The following ANKRD35 variants were observed in gnomAD, a reference collection of about 807,000 sequenced individuals.
ANKRD35 encodes ankyrin repeat domain 35, also known as ankyrin repeat domain-containing protein 35.
In ANKRD35, 102 loss-of-function variants were observed where a neutral mutation model predicts 109.9. The ratio of observed to expected loss-of-function variants is 0.93; its 90% CI spans 0.79 to 1.09. ANKRD35 has a LOEUF of 1.09. ANKRD35 is among the 50% of genes least tolerant of loss of function. The pLI, the probability that ANKRD35 is intolerant of heterozygous loss-of-function variation, is 0.00. For missense variants in ANKRD35, 1,240 were observed against 1,230.1 expected, an observed-to-expected ratio of 1.01 and a Z score of -0.12; for synonymous variants, 515 against 512.4, an observed-to-expected ratio of 1.01 and a Z score of -0.07.
Position 145,873,977 on chromosome 1 carries a change from T to C in ANKRD35, c.792A>G (p.Pro264=). The change falls in exon 10 of 14, where the codon CCA becomes CCG. Residue 264 remains proline, a synonymous_variant. Transcript: ENST00000355594. ...QHPDLASQAS[P]SEPQAGSPPK... ...GAGGAGAACCTGCCTGGGGCTCAGA[T>C]GGAGAGGCCTATGTTGGAAACAGAA... The C allele has an allele frequency of 1.9e-6, 3 of 1,613,920 alleles. No individual in the cohort carries two copies. Among genetic ancestry groups the C allele is most frequent in the Non-Finnish European group, 2.5e-6 (3 of 1,179,958 alleles).
chr1:145,867,201 C>CA (rs1653636208), intron 13 of ANKRD35, 86 bp downstream of exon 13: 1 of 914,482 alleles, frequency 1.1e-6, no homozygotes, highest in Non-Finnish European at 1.7e-6. Context: ...ACCACGGGGG[C>CA]AAAAGGGACT....
Position 145,873,965 on chromosome 1 carries a change from C to G in ANKRD35, c.804G>C (p.Gln268His), listed in dbSNP as rs11578772. Residue 268 changes from glutamine (Q) to histidine (H), a missense_variant, in exon 10 of 14, where the codon CAG becomes CAC. Coordinates refer to ENST00000355594, the MANE Select transcript of ANKRD35 (RefSeq NM_144698.5). Reference sequence around the variant, plus strand: ...ATGAGCTCTTAGGAGGAGAACCTGCCTGGGGCTCAGATGGAGAGGCCTATG... The same window carrying G: ...ATGAGCTCTTAGGAGGAGAACCTGCGTGGGGCTCAGATGGAGAGGCCTATG... ...LASQASPSEP[Q>H]AGSPPKSSWR... The G allele has an allele frequency of 8.1e-6, 13 of 1,613,844 alleles. No homozygotes were observed. Among genetic ancestry groups the G allele is most frequent in the Non-Finnish European group, 1.1e-5 (13 of 1,179,966 alleles).
rs910344272 is a variant in ANKRD35, at chr1:145,881,301, C to T, written c.40-1913G>A. Among the ~76,000 whole-genome samples, 3 of 151,914 alleles carry T rather than the reference C, an allele frequency of 2.0e-5. No homozygotes were observed. The South Asian group carries it at 6.2e-4, about 32-fold the overall frequency. On this transcript the variant is annotated intron_variant, in intron 1 of 13. Coordinates refer to ENST00000355594, the MANE Select transcript of ANKRD35 (RefSeq NM_144698.5). Reference sequence around the variant, plus strand: ...ACTCCATCTCAAACAAACAAACAAACAAAAAAAGAACCCAGTCCACCTGAT... The same window carrying T: ...ACTCCATCTCAAACAAACAAACAAATAAAAAAAGAACCCAGTCCACCTGAT...
rs782500061 is a variant in ANKRD35 at position 145,872,920 on chromosome 1, TCTC to T, written c.1846_1848del (p.Glu616del). The T allele has an allele frequency of 5.6e-6, 9 of 1,612,740 alleles. No individual in the cohort carries two copies. The East Asian group carries it at 8.9e-5, about 16-fold the overall frequency. On this transcript the variant is annotated inframe_deletion, in exon 10 of 14. Transcript: ENST00000355594. ...CTGTTGCTCAGTCTCAGTACTGACA[TCTC>T]CTTCTCCAGCTGTCCCTTTGCCAGG...
chr1:145,868,531 A>C (rs781978023), intron 10 of ANKRD35, 131 bp from the exon 11 acceptor site: 89 of 721,062 alleles, frequency 1.2e-4, no homozygotes, highest in Non-Finnish European at 1.8e-4. Context: ...TTAACACTCA[A>C]AACAGCTTTT....
intron 1 of ANKRD35, among the ~76,000 whole-genome samples, chr1:145,884,918 G>T (rs1553741638): frequency 6.6e-6 from 1 of 152,192 alleles, no homozygotes; most frequent in African/African-American, 2.4e-5. Flanking sequence ...CCAGTCCTCT[G>T]GGGAGCAGTC....
intron 3 of ANKRD35, among the ~76,000 whole-genome samples, 172 bp from the exon 4 acceptor site, chr1:145,878,204 TG>T (rs1332407683): frequency 1.3e-5 from 2 of 151,856 alleles, no homozygotes; most frequent in East Asian, 3.9e-4. Flanking sequence ...GTGATGAAGG[TG>T]GGAGTGGGGG....
intron 11 of ANKRD35, 120 bp downstream of exon 11, chr1:145,868,191 G>T: frequency 6.8e-7 from 1 of 1,465,754 alleles, no homozygotes; most frequent in Non-Finnish European, 9.5e-7. Flanking sequence ...CCACTGCCTA[G>T]CCAGGCCTCT....
chr1:145,876,509 T>C, intron 6 of ANKRD35, 60 bp downstream of exon 6: 1 of 1,605,068 alleles, frequency 6.2e-7, no homozygotes, highest in South Asian at 1.1e-5. Context: ...CCAGTCAAGC[T>C]GAGAGACAGC....
intron 4 of ANKRD35, among the ~76,000 whole-genome samples, chr1:145,877,293 T>C (rs1426145196): frequency 6.7e-6 from 1 of 150,296 alleles, no homozygotes; most frequent in Non-Finnish European, 1.5e-5. Context: ...AGTGCAGTGG[T>C]GCGATCTTGG....
At position 145,874,830 on chromosome 1, in the gene ANKRD35, C is replaced by A; in HGVS notation, c.737G>T (p.Arg246Leu). The change falls in exon 8 of 14, where the codon CGG becomes CTG. Residue 246 changes from arginine to leucine, a missense_variant. Arg to Leu is a moderately radical substitution (Grantham distance 102). Transcript: ENST00000355594. ...TACACAAGGGCCTTTACCGCCCCGCCGCCGCCGGCTCAGGGCCTGCTGTAG... is the reference window on the plus strand; with the variant it reads ...TACACAAGGGCCTTTACCGCCCCGCAGCCGCCGGCTCAGGGCCTGCTGTAG... ...RHLQQALSRR[R>L]RGGQRLVQHP... 1 of 1,589,830 alleles carries A rather than the reference C, an allele frequency of 6.3e-7. No individual in the cohort carries two copies. The highest frequency in any genetic ancestry group is 1.1e-5 in the South Asian group (1 of 87,088).
chr1:145,876,562 C>A lies in ANKRD35; in HGVS notation c.453+7G>T. The A allele has an allele frequency of 6.2e-7, 1 of 1,614,192 alleles. No individual in the cohort carries two copies. On this transcript the variant is annotated splice_region_variant and intron_variant, in intron 6 of 13. Coordinates refer to ENST00000355594, the MANE Select transcript of ANKRD35 (RefSeq NM_144698.5). Reference sequence around the variant, plus strand: ...GGACACTGCCCACTTGCCCATCTGACACTCACATTATCCAACACGTCCAGG... The same window carrying A: ...GGACACTGCCCACTTGCCCATCTGAAACTCACATTATCCAACACGTCCAGG...
rs782093476 is a variant in ANKRD35, at chr1:145,873,671, C to T, written c.1098G>A (p.Gly366=). ...TAGGACAACCCTGCTCCATGCCATC[C>T]CCTCCAGGCCGGAGACTAGAGCCTT... ...GKQGSSLRPG[G]DGMEQGCPKD... Residue 366 remains glycine, a synonymous_variant, in exon 10 of 14, where the codon GGG becomes GGA. Coordinates refer to ENST00000355594, the MANE Select transcript of ANKRD35 (RefSeq NM_144698.5). 6.2e-7 allele frequency: 1 copy of T among 1,614,012 alleles called. No homozygotes were observed. The highest frequency in any genetic ancestry group is 1.3e-5 in the African/African-American group (1 of 74,930).
In ANKRD35 at chr1:145,878,017, T is replaced by A; in HGVS notation, c.275A>T (p.His92Leu). 1 of 1,613,896 alleles carries A rather than the reference T, an allele frequency of 6.2e-7. No homozygotes were observed. The highest frequency in any genetic ancestry group is 8.5e-7 in the Non-Finnish European group (1 of 1,179,922). ...TGGCTGGCAGGAGATGGTGGCCAAG[T>A]GTAGGGCAGTGCTTCCTGGAACAGA... ...SKNEDGSTAL[H>L]LATISCQPQC... The change falls in exon 4 of 14, where the codon CAC (histidine) becomes CTC (leucine). Residue 92 changes from histidine (H) to leucine (L), a missense_variant. Physicochemically the swap from His to Leu is moderately conservative, Grantham distance 99. Transcript: ENST00000355594.
chr1:145,881,328 C>A (rs1654278116), intron 1 of ANKRD35, among the ~76,000 whole-genome samples: 1 of 152,030 alleles, frequency 6.6e-6, no homozygotes, highest in Non-Finnish European at 1.5e-5. Flanking sequence ...CCACCTGATG[C>A]CAAATCCTAG....
In ANKRD35 at chr1:145,872,004, G is replaced by A. The variant is rs587764944; in HGVS notation, c.2765C>T (p.Ala922Val). 2.5e-6 allele frequency: 4 copies of A among 1,612,064 alleles called. No individual in the cohort carries two copies. The Admixed American group carries it at 5.0e-5, about 20-fold the overall frequency. The change falls in exon 10 of 14, where the codon GCT becomes GTT. Residue 922 changes from alanine to valine, a missense_variant. Physicochemically the swap from Ala to Val is moderately conservative, Grantham distance 64 (BLOSUM62 0). Transcript: ENST00000355594. Reference protein sequence around the residue: ...LKEKMEHLIGACRDKEAKIKE... With the variant: ...LKEKMEHLIGVCRDKEAKIKE... ...CACCTTGGCTTCCTTGTCTCGGCAAGCCCCAATGAGATGCTCCATCTTCTC... is the reference window on the plus strand; with the variant it reads ...CACCTTGGCTTCCTTGTCTCGGCAAACCCCAATGAGATGCTCCATCTTCTC...
chr1:145,872,365 C>G lies in ANKRD35; in HGVS notation c.2404G>C (p.Gly802Arg), dbSNP rs782248272. 6.2e-7 allele frequency: 1 copy of G among 1,612,704 alleles called. No individual in the cohort carries two copies. The highest frequency in any genetic ancestry group is 8.5e-7 in the Non-Finnish European group (1 of 1,179,368). ...ELRAVQATMS[G>R]KSQEIGKLKQ... ...AGCTTTCCGATCTCCTGGCTCTTCC[C>G]GCTCATCGTGGCCTGAACTGCCCGC... The change falls in exon 10 of 14, where the codon GGG becomes CGG. Residue 802 changes from glycine to arginine, a missense_variant. Physicochemically the swap from Gly to Arg is moderately radical, Grantham distance 125 (BLOSUM62 -2). Coordinates refer to ENST00000355594, the MANE Select transcript of ANKRD35 (RefSeq NM_144698.5).
intron 6 of ANKRD35, 74 bp from the exon 7 acceptor site, chr1:145,876,320 C>G (rs1006927561): frequency 1.3e-5 from 18 of 1,403,958 alleles, no homozygotes; most frequent in Non-Finnish European, 2.0e-6. Flanking sequence ...CGGCTCCCCT[C>G]CCCTCACACC....
At chr1:145,882,688 C>A (rs1320585399) in intron 1 of ANKRD35, among the ~76,000 whole-genome samples, 1 of 152,126 alleles carries the variant, frequency 6.6e-6, no homozygotes, top group Non-Finnish European at 1.5e-5. Flanking sequence ...TGGGTAGAAA[C>A]TTTTCATGGC....
Sources: allele counts gnomAD v4.1 joint callset (sites outside exome capture counted in the v4.1 genomes callset), GRCh38; gene constraint gnomAD v4.1.1; transcripts MANE v1.5; gene names NCBI Gene and HGNC (gene_info 2026-07-23, HGNC 2026-07-21).